CAPN15: variants seen among roughly 807,000 people sequenced by gnomAD.
CAPN15 encodes the protein calpain-15.
In CAPN15, 53 loss-of-function variants were observed where a neutral mutation model predicts 97.9. The ratio of observed to expected loss-of-function variants is 0.54; its 90% CI spans 0.43 to 0.68. The LOEUF (loss-of-function observed/expected upper bound fraction) is 0.68. Among genes scored for constraint, CAPN15 ranks in the 30% least tolerant of loss-of-function variants. The pLI is 0.00. For synonymous variants in CAPN15, 922 were observed against 722.5 expected (o/e 1.28, Z -4.43); for missense variants, 1,592 against 1,589.8 (o/e 1.00, Z -0.02).
chr16:551,736 G>GCCTGTC (rs2035095010), intron 9 of CAPN15, 72 bp downstream of exon 9: 3 of 1,562,202 alleles, frequency 1.9e-6, no homozygotes, highest in South Asian at 2.3e-5. Flanking sequence ...TGGAGAACAA[G>GCCTGTC]CCTGTCCCTC....
rs914391000 is a variant in CAPN15 at position 549,713 on chromosome 16, C to T, written c.1941C>T (p.Gly647=). The T allele has an allele frequency of 6.4e-7, 1 of 1,571,704 alleles. No individual in the cohort carries two copies. The highest frequency in any genetic ancestry group is 1.4e-5 in the African/African-American group (1 of 73,792). The stretch of plus-strand genomic sequence containing the variant: ...TCCAGGCGGGCCGCGCCATCGAAGG[C>T]CTGGCCACGCTCACCGGCGCCCCCT... ...FALQAGRAIE[G]LATLTGAPCE... The change falls in exon 7 of 14, where the codon GGC becomes GGT. Residue 647 remains glycine, a synonymous_variant. Transcript: ENST00000219611.
intron 3 of CAPN15, chr16:540,497 C>A: frequency 3.0e-6 from 1 of 337,444 alleles, no homozygotes. Flanking sequence ...GTTGTGGCAG[C>A]TCTCTTCCCC....
chr16:544,721 CCTCCCCCA>C lies in CAPN15; in HGVS notation c.-22-2094_-22-2087del, dbSNP rs1567146041. On this transcript the variant is annotated intron_variant, in intron 3 of 13. Transcript: ENST00000219611. ...CCCCCACGTCGCCTCCCCCACGTCG[CCTCCCCCA>C]CGTCGCCTCCCCCACGTCGTCGCCT... 3.0e-4 allele frequency among the ~76,000 whole-genome samples: 21 copies of C among 71,178 alleles called. 1 individual carries two copies. Among genetic ancestry groups the C allele is most frequent in the African/African-American group, 1.3e-3 (15 of 11,436 alleles). The allele number at this position is 71,178 out of a possible 152,430, so 46.7% of individuals were successfully genotyped here.
intron 3 of CAPN15, among the ~76,000 whole-genome samples, chr16:536,440 T>C (rs1287715178): frequency 7.2e-6 from 1 of 139,670 alleles, no homozygotes; most frequent in Non-Finnish European, 1.5e-5. Flanking sequence ...TTTTTTTTTT[T>C]GAGACGGAGT....
chr16:550,583 C>T (rs1374611961), intron 7 of CAPN15, among the ~76,000 whole-genome samples: 1 of 152,142 alleles, frequency 6.6e-6, no homozygotes, highest in Admixed American at 6.5e-5. Context: ...AGCCATGCCC[C>T]CAGTCGGTGA....
At chr16:541,342 G>C (rs1401086584) in intron 3 of CAPN15, among the ~76,000 whole-genome samples, 1 of 152,224 alleles carries the variant, frequency 6.6e-6, no homozygotes, top group Admixed American at 6.5e-5. Context: ...TTACCCCGAT[G>C]AACAGGGAGA....
intron 1 of CAPN15, among the ~76,000 whole-genome samples, chr16:532,813 A>G (rs1332800097): frequency 6.6e-6 from 1 of 150,568 alleles, no homozygotes; most frequent in Non-Finnish European, 1.5e-5. Context: ...AGATCACACC[A>G]CTGCACTCCA....
In CAPN15 at chr16:553,284, C is replaced by T. The variant is rs2035244460; in HGVS notation, c.3084-55C>T. The T allele has an allele frequency of 1.1e-5, 15 of 1,316,454 alleles. No individual in the cohort carries two copies. The Admixed American group carries it at 2.3e-4, about 20-fold the overall frequency. 81.5% of individuals were successfully genotyped at this position (1,316,454 alleles called of 1,614,324 possible). A position where few individuals can be genotyped will look rare whatever the true frequency, so the allele number is the denominator to read the frequency against. ...CTGCCCCTGTACAGGTGGGCACAGC[C>T]CTGCCCCCATCCCCACCCTGCCCTC... On this transcript the variant is annotated intron_variant, in intron 13 of 13. Transcript: ENST00000219611.
intron 2 of CAPN15, 68 bp downstream of exon 2, chr16:534,066 C>T: frequency 1.2e-6 from 1 of 853,164 alleles, no homozygotes; most frequent in Non-Finnish European, 1.4e-6. Flanking sequence ...GTTTGTGGAG[C>T]AGCAGGGTTG....
intron 1 of CAPN15, among the ~76,000 whole-genome samples, chr16:530,568 ACCTAGACCCGTTCAGCCACAC>A: frequency 6.6e-6 from 1 of 152,066 alleles, no homozygotes. Context: ...TTGGGGCTGG[ACCTAGACCCGTTCAGCCACAC>A]CCTGTCACTA....
intron 3 of CAPN15, chr16:538,169 T>C (rs954740700): frequency 6.6e-6 from 1 of 152,232 alleles, no homozygotes; most frequent in African/African-American, 2.4e-5. Context: ...CAGGTGCCCC[T>C]TCGAGGGCAG....
At chr16:548,901 C>A in intron 4 of CAPN15, 92 bp from the exon 5 acceptor site, 1 of 1,201,928 alleles carries the variant, frequency 8.3e-7, no homozygotes, top group Non-Finnish European at 1.2e-6. Context: ...TCAGGCAGTG[C>A]TTTTGGGCGC....
chr16:548,647 C>T (rs983884380), intron 4 of CAPN15, among the ~76,000 whole-genome samples: 14 of 152,370 alleles, frequency 9.2e-5, no homozygotes, highest in African/African-American at 3.4e-4. Flanking sequence ...GTGCTCCGCC[C>T]TCTAGAGTCC....
At position 552,591 on chromosome 16, in the gene CAPN15, G is replaced by A. The variant is rs369364649; in HGVS notation, c.2738-14G>A. On this transcript the variant is annotated splice_polypyrimidine_tract_variant and intron_variant, in intron 11 of 13. Transcript: ENST00000219611. The surrounding 1 kb of genome is among the most constrained non-coding windows in gnomAD (Gnocchi z 6.4). ...CCACGGGGAGGGCTGCGGTTCACAC[G>A]CCCGTCCTTGTAGCCTCCAGCCCCT... The A allele has an allele frequency of 1.4e-4, 219 of 1,547,094 alleles. No individual in the cohort carries two copies. The highest frequency in any genetic ancestry group is 4.1e-4 in the African/African-American group (30 of 73,506).
rs145723822 is a variant in CAPN15, at chr16:552,439, C to T, written c.2646C>T (p.Cys882=). 6.3e-5 allele frequency: 101 copies of T among 1,610,092 alleles called. No homozygotes were observed. The highest frequency in any genetic ancestry group is 2.5e-4 in the African/African-American group (19 of 75,008). The change falls in exon 11 of 14, where the codon TGC becomes TGT. Residue 882 remains cysteine (C), a synonymous_variant. Transcript: ENST00000219611. The surrounding 1 kb of genome is among the most constrained non-coding windows in gnomAD (Gnocchi z 6.4). ...GCGCGGTCAAGAAGTTCGTCAGCTG[C>T]GACGTCATGCTGGAGCCTGGCGAGT... ...SKRAVKKFVS[C]DVMLEPGEYA... is the part of the protein sequence containing the mutation.
At chr16:551,043 C>T (rs527787508) in intron 7 of CAPN15, among the ~76,000 whole-genome samples, 16 of 147,144 alleles carry the variant, frequency 1.1e-4, no homozygotes, top group East Asian at 2.0e-4. Flanking sequence ...GTGAGGGCCC[C>T]GGTCGGTGAG....
chr16:549,932 C>G (rs968590132), intron 7 of CAPN15, 94 bp downstream of exon 7: 6 of 1,074,296 alleles, frequency 5.6e-6, no homozygotes, highest in Admixed American at 2.1e-5. Context: ...TGACCCAGTT[C>G]TGCTTCCACG....
At chr16:548,316 T>C in intron 4 of CAPN15, 29 bp downstream of exon 4, 5 of 1,439,178 alleles carry the variant, frequency 3.5e-6, no homozygotes, top group Non-Finnish European at 4.6e-6. Flanking sequence ...CTCTTCCTGC[T>C]CCTGAGCCTC....
Position 549,848 on chromosome 16 carries a change from G to A in CAPN15, c.2066+10G>A. 1.3e-6 allele frequency: 2 copies of A among 1,560,288 alleles called. No individual in the cohort carries two copies. Among genetic ancestry groups the A allele is most frequent in the Middle Eastern group, 1.7e-4 (1 of 5,990 alleles). On this transcript the variant is annotated intron_variant, in intron 7 of 13. Coordinates refer to ENST00000219611, the MANE Select transcript of CAPN15 (RefSeq NM_005632.3). ...GTTCTAAGGAGGCTGGGTAAGAGGA[G>A]GGGCACTGCGTGGTCAGCCGCGTTG...
Sources: allele counts gnomAD v4.1 joint callset (sites outside exome capture counted in the v4.1 genomes callset), GRCh38; gene constraint gnomAD v4.1.1; non-coding constraint Gnocchi (gnomAD v3.1); transcripts MANE v1.5; gene names NCBI Gene and HGNC (gene_info 2026-07-23, HGNC 2026-07-21).